The following MYCBP2 variants were observed in gnomAD, a reference collection of about 807,000 sequenced individuals.
The protein encoded by MYCBP2 is MYC binding protein 2.
A neutral mutation model predicts 525.3 loss-of-function variants in MYCBP2; 120 were observed. The observed-to-expected ratio is 0.23, with a 90% CI of 0.20 to 0.27. MYCBP2 has a LOEUF of 0.27. MYCBP2 is among the 10% of genes least tolerant of loss of function. MYCBP2 has a pLI of 1.00. For missense variants in MYCBP2, 4,149 were observed against 5,657.1 expected (o/e 0.73, Z 8.55); for synonymous variants, 1,894 against 1,955.8 (o/e 0.97, Z 0.83).
At chr13:77,148,134 T>C (rs1057431075) in intron 47 of MYCBP2, among the ~76,000 whole-genome samples, 23 of 152,074 alleles carry the variant, frequency 1.5e-4, no homozygotes, top group African/African-American at 5.5e-4. Flanking sequence ...TTTTTTTTAA[T>C]AGTAGAAATA....
At chr13:77,287,888 AT>A (rs1286977336) in intron 3 of MYCBP2, among the ~76,000 whole-genome samples, 1 of 151,868 alleles carries the variant, frequency 6.6e-6, no homozygotes, top group Non-Finnish European at 1.5e-5. Flanking sequence ...GCTTTTGTAC[AT>A]TTTTTAATTG....
chr13:77,099,249 G>A, intron 55 of MYCBP2: 1 of 538,334 alleles, frequency 1.9e-6, no homozygotes, highest in Non-Finnish European at 3.2e-6. Context: ...ACAACAGGTT[G>A]AACAAATCCA....
intron 58 of MYCBP2, among the ~76,000 whole-genome samples, chr13:77,093,844 A>C (rs1157523374): frequency 1.3e-5 from 2 of 152,124 alleles, no homozygotes; most frequent in Non-Finnish European, 2.9e-5. Context: ...AAAATATTAG[A>C]TATATGAAAT....
chr13:77,056,862 G>C, intron 79 of MYCBP2, 124 bp downstream of exon 79: 1 of 674,434 alleles, frequency 1.5e-6, no homozygotes, highest in Non-Finnish European at 2.6e-6. Flanking sequence ...ACATGAATGA[G>C]AAGGGAAGAA....
chr13:77,323,700 A>G (rs1261599540), intron 1 of MYCBP2, among the ~76,000 whole-genome samples: 3 of 152,246 alleles, frequency 2.0e-5, no homozygotes, highest in Non-Finnish European at 4.4e-5. Context: ...CAGCATCTGC[A>G]ATACTGCCTG....
intron 11 of MYCBP2, 52 bp from the exon 12 acceptor site, chr13:77,261,427 C>G (rs768712790): frequency 7.7e-7 from 1 of 1,291,196 alleles, no homozygotes; most frequent in Non-Finnish European, 1.1e-6. Flanking sequence ...AATAGTGCAT[C>G]AGGTTTCACA....
intron 51 of MYCBP2, among the ~76,000 whole-genome samples, chr13:77,139,751 C>A (rs528045176): frequency 7.8e-4 from 118 of 152,232 alleles, no homozygotes; most frequent in African/African-American, 2.5e-3. Flanking sequence ...AAACAAACAA[C>A]ATTTTAAAAT....
At chr13:77,146,310 G>C in intron 47 of MYCBP2, 93 bp from the exon 48 acceptor site, 3 of 769,988 alleles carry the variant, frequency 3.9e-6, no homozygotes, top group Non-Finnish European at 5.8e-6. Context: ...ATGGTTGTGA[G>C]ACAACTGGTT....
chr13:77,174,231 G>A, intron 37 of MYCBP2, 80 bp downstream of exon 37: 1 of 1,322,578 alleles, frequency 7.6e-7, no homozygotes, highest in Non-Finnish European at 1.1e-6. Context: ...TAAGTATCCA[G>A]TTAGCAATTT....
intron 55 of MYCBP2, among the ~76,000 whole-genome samples, chr13:77,107,007 C>T (rs1181877940): frequency 6.6e-6 from 1 of 152,020 alleles, no homozygotes; most frequent in Non-Finnish European, 1.5e-5. Flanking sequence ...CTATACATAC[C>T]TACGTTTATG....
chr13:77,300,031 T>C (rs959155332), intron 1 of MYCBP2, among the ~76,000 whole-genome samples: 1 of 152,232 alleles, frequency 6.6e-6, no homozygotes, highest in Non-Finnish European at 1.5e-5. Flanking sequence ...TTACTGAGTA[T>C]ACTTTATACC....
chr13:77,243,980 A>AAG (rs2069393032), intron 15 of MYCBP2, 29 bp from the exon 16 acceptor site: 1 of 1,501,882 alleles, frequency 6.7e-7, no homozygotes, highest in African/African-American at 1.4e-5. Context: ...AAAAAAAAAA[A>AAG]AGACAACTGA....
chr13:77,279,459 G>A (rs530468990), intron 3 of MYCBP2, among the ~76,000 whole-genome samples: 15 of 152,256 alleles, frequency 9.9e-5, no homozygotes, highest in Admixed American at 9.8e-4. Context: ...TAAAGATTGA[G>A]AGAGCAAATT....
intron 20 of MYCBP2, among the ~76,000 whole-genome samples, chr13:77,218,190 A>G (rs1048296378): frequency 2.6e-5 from 4 of 152,182 alleles, no homozygotes; most frequent in African/African-American, 9.6e-5. Flanking sequence ...AAATGTAATT[A>G]CCCTAATTAT....
Position 77,067,703 on chromosome 13 carries a change from T to G in MYCBP2, c.12333A>C (p.Gly4111=), listed in dbSNP as rs2040440488. 6.2e-7 allele frequency: 1 copy of G among 1,614,064 alleles called. No homozygotes were observed. Among genetic ancestry groups the G allele is most frequent in the Admixed American group, 1.7e-5 (1 of 60,004 alleles). ...GTACAGTGAGTGCTTTGGCAATGCA[T>G]CCTAGAAACATGTCCAAGATACCCA... ...NKLGILDMFL[G]CIAKALTVQL... is the part of the protein sequence containing the mutation. The change falls in exon 71 of 83, where the codon GGA becomes GGC. Residue 4111 remains glycine (G), a synonymous_variant. Coordinates refer to ENST00000544440, the MANE Select transcript of MYCBP2 (RefSeq NM_015057.5).
At chr13:77,252,066 T>C (rs1301918781) in intron 14 of MYCBP2, among the ~76,000 whole-genome samples, 2 of 152,204 alleles carry the variant, frequency 1.3e-5, no homozygotes, top group African/African-American at 4.8e-5. Flanking sequence ...TTCCAGGCAG[T>C]CAGTCACTAC....
intron 1 of MYCBP2, among the ~76,000 whole-genome samples, chr13:77,297,813 T>G (rs1289003261): frequency 1.3e-5 from 2 of 152,218 alleles, no homozygotes; most frequent in African/African-American, 4.8e-5. Context: ...TCTGGTCAAT[T>G]ATATCTCATA....
At position 77,064,726 on chromosome 13, in the gene MYCBP2, C is replaced by G. The variant is rs767991328; in HGVS notation, c.12561G>C (p.Leu4187=). 1 of 1,613,726 alleles carries G rather than the reference C, an allele frequency of 6.2e-7. No homozygotes were observed. Among genetic ancestry groups the G allele is most frequent in the Admixed American group, 1.7e-5 (1 of 59,996 alleles). Residue 4187 remains leucine, a synonymous_variant, in exon 73 of 83, where the codon CTG becomes CTC. Coordinates refer to ENST00000544440, the MANE Select transcript of MYCBP2 (RefSeq NM_015057.5). ...TTGTCACTCGGGACCAAGCTTCTGA[C>G]AGATGACCCTATTGAGCAGAACAGA... The part of the protein sequence containing the change: ...KLIKDMAAGH[L]SEAWSRVTKN...
At chr13:77,229,105 TAAG>T (rs953130532) in intron 18 of MYCBP2, among the ~76,000 whole-genome samples, 8 of 152,188 alleles carry the variant, frequency 5.3e-5, no homozygotes, top group Non-Finnish European at 8.8e-5. Flanking sequence ...TACTGGAACT[TAAG>T]AACTTGGACT....
Sources: allele counts gnomAD v4.1 joint callset (sites outside exome capture counted in the v4.1 genomes callset), GRCh38; gene constraint gnomAD v4.1.1; transcripts MANE v1.5; gene names NCBI Gene and HGNC (gene_info 2026-07-23, HGNC 2026-07-21).